Variants in SPAG16 observed in about 807,000 individuals in gnomAD.
SPAG16 encodes the protein sperm associated antigen 16.
In SPAG16, 86 loss-of-function variants were observed where a neutral mutation model predicts 80.4. That is an observed-to-expected ratio of 1.07 (90% CI 0.90 to 1.28). SPAG16 has a LOEUF of 1.28. SPAG16 is among the 50% of genes most tolerant of loss of function. The pLI, the probability that SPAG16 is intolerant of heterozygous loss-of-function variation, is 0.00. For synonymous variants in SPAG16, 294 were observed against 265.9 expected (o/e 1.11, Z -1.03); for missense variants, 870 against 765.3 (o/e 1.14, Z -1.61).
intron 10 of SPAG16, among the ~76,000 whole-genome samples, chr2:213,705,632 A>T (rs2065715175): frequency 6.6e-6 from 1 of 152,208 alleles, no homozygotes; most frequent in Non-Finnish European, 1.5e-5. Context: ...AAATCTAAAT[A>T]AAATGCCTTT....
intron 10 of SPAG16, among the ~76,000 whole-genome samples, chr2:213,836,620 T>G (rs1006584816): frequency 6.6e-6 from 1 of 152,152 alleles, no homozygotes; most frequent in Non-Finnish European, 1.5e-5. Context: ...ATTTTTTATT[T>G]TTTTATTTTT....
rs148842224 is a variant in SPAG16, at chr2:213,868,302, G to C, written c.1214+5674G>C. On this transcript the variant is annotated intron_variant, in intron 11 of 15. Coordinates refer to ENST00000331683, the MANE Select transcript of SPAG16 (RefSeq NM_024532.5). ...ATGTTTTAGAAAGAAAACAAACTTG[G>C]CCAGAAACATCAACAGAATTCCATT... 4.7e-3 allele frequency among the ~76,000 whole-genome samples: 706 copies of C among 151,380 alleles called. 5 individuals are homozygous for C. Among genetic ancestry groups the C allele is most frequent in the African/African-American group, 0.016 (674 of 41,278 alleles).
At chr2:213,820,945 G>T (rs1381874586) in intron 10 of SPAG16, among the ~76,000 whole-genome samples, 1 of 152,000 alleles carries the variant, frequency 6.6e-6, no homozygotes, top group Non-Finnish European at 1.5e-5. Flanking sequence ...GGCATAAAAT[G>T]CTCCAAAAAT....
chr2:213,987,708 ATT>A (rs1045948115), intron 12 of SPAG16, among the ~76,000 whole-genome samples: 1 of 151,570 alleles, frequency 6.6e-6, no homozygotes. Flanking sequence ...ATCTGCACAC[ATT>A]TTCAAAAGGT....
chr2:213,910,451 A>T (rs1030179344), intron 11 of SPAG16, among the ~76,000 whole-genome samples: 1 of 152,186 alleles, frequency 6.6e-6, no homozygotes, highest in African/African-American at 2.4e-5. Flanking sequence ...CAAATTTGAA[A>T]GGTGGAAATA....
At chr2:214,188,974 G>A (rs78224259) in intron 15 of SPAG16, among the ~76,000 whole-genome samples, 2,708 of 152,150 alleles carry the variant, frequency 0.018, 79 homozygotes, top group African/African-American at 0.062. Flanking sequence ...TTTATACATA[G>A]CAACATCTCT....
chr2:213,720,742 CTTTTT>C (rs564036456), intron 10 of SPAG16, among the ~76,000 whole-genome samples: 4 of 78,916 alleles, frequency 5.1e-5, no homozygotes, highest in Admixed American at 1.7e-4. Context: ...GAAGTAAGTC[CTTTTT>C]TTTTTTTTTT....
At chr2:213,814,207 A>G (rs1383901301) in intron 10 of SPAG16, among the ~76,000 whole-genome samples, 2 of 152,188 alleles carry the variant, frequency 1.3e-5, no homozygotes, top group Admixed American at 6.5e-5. Flanking sequence ...AAACACAGGC[A>G]TGGTTTCTAA....
chr2:213,311,216 T>C (rs186951212), intron 4 of SPAG16, among the ~76,000 whole-genome samples: 1 of 151,700 alleles, frequency 6.6e-6, no homozygotes, highest in Non-Finnish European at 1.5e-5. Flanking sequence ...GTGTGAATTA[T>C]TTAAAATAAT....
intron 15 of SPAG16, among the ~76,000 whole-genome samples, chr2:214,217,668 G>T (rs2058465963): frequency 6.6e-6 from 1 of 152,188 alleles, no homozygotes; most frequent in Non-Finnish European, 1.5e-5. Context: ...CCACAATTTT[G>T]TTTATGTTAT....
At chr2:213,773,076 A>G (rs1411291108) in intron 10 of SPAG16, among the ~76,000 whole-genome samples, 1 of 151,900 alleles carries the variant, frequency 6.6e-6, no homozygotes, top group Non-Finnish European at 1.5e-5. Context: ...AGTCTTTGAT[A>G]ATTTTGATAT....
chr2:213,472,988 C>T (rs958147257), intron 9 of SPAG16, among the ~76,000 whole-genome samples: 1 of 152,154 alleles, frequency 6.6e-6, no homozygotes, highest in African/African-American at 2.4e-5. Context: ...GGTCTTGGCT[C>T]CCCCTTCATT....
chr2:213,284,638 C>G lies in SPAG16; in HGVS notation c.136+19C>G, dbSNP rs747507447. 6.2e-7 allele frequency: 1 copy of G among 1,600,174 alleles called. No homozygotes were observed. The highest frequency in any genetic ancestry group is 8.5e-7 in the Non-Finnish European group (1 of 1,173,980). ...CTGGAACGTATCCTTCCCGTGGAGG[C>G]GCGGCCCGCTGCGCTGGCGGGTAAT... On this transcript the variant is annotated intron_variant, in intron 1 of 15. Transcript: ENST00000331683.
chr2:213,766,922 C>T (rs1165881373), intron 10 of SPAG16, among the ~76,000 whole-genome samples: 1 of 152,196 alleles, frequency 6.6e-6, no homozygotes, highest in Non-Finnish European at 1.5e-5. Flanking sequence ...GGGTAGCTTT[C>T]TCCTGCGAGG....
chr2:213,745,138 A>G (rs771572245), intron 10 of SPAG16, among the ~76,000 whole-genome samples: 1 of 152,228 alleles, frequency 6.6e-6, no homozygotes, highest in Non-Finnish European at 1.5e-5. Context: ...CAGTTATACA[A>G]TGCAATTAAT....
chr2:213,986,938 T>C (rs1189173547), intron 12 of SPAG16, among the ~76,000 whole-genome samples: 2 of 147,298 alleles, frequency 1.4e-5, no homozygotes, highest in East Asian at 3.9e-4. Context: ...CTATCATATG[T>C]GTTTTTAAAA....
intron 13 of SPAG16, among the ~76,000 whole-genome samples, chr2:214,023,763 T>C (rs2048002315): frequency 6.6e-6 from 1 of 151,728 alleles, no homozygotes; most frequent in African/African-American, 2.4e-5. Context: ...ATCACAAATA[T>C]CATTCCTTTC....
chr2:213,921,529 C>G (rs1453191356), intron 11 of SPAG16, among the ~76,000 whole-genome samples: 1 of 152,140 alleles, frequency 6.6e-6, no homozygotes, highest in East Asian at 1.9e-4. Context: ...AAGCTGTTTA[C>G]ATTCAAGGTT....
chr2:213,697,464 T>G (rs1220764070), intron 10 of SPAG16, among the ~76,000 whole-genome samples: 1 of 152,200 alleles, frequency 6.6e-6, no homozygotes, highest in Non-Finnish European at 1.5e-5. Flanking sequence ...CTCTGGAATC[T>G]ATGAATGTTA....
Sources: allele counts gnomAD v4.1 joint callset (sites outside exome capture counted in the v4.1 genomes callset), GRCh38; gene constraint gnomAD v4.1.1; transcripts MANE v1.5; gene names NCBI Gene and HGNC (gene_info 2026-07-23, HGNC 2026-07-21).